The following SLC9B2 variants were observed in gnomAD, a reference collection of about 807,000 sequenced individuals.
SLC9B2 encodes the protein sodium/hydrogen exchanger 9B2.
In SLC9B2, 39 loss-of-function variants were observed where a neutral mutation model predicts 52.2. That is an observed-to-expected ratio of 0.75 (90% CI 0.58 to 0.98). SLC9B2 has a LOEUF of 0.98. Among genes scored for constraint, SLC9B2 ranks in the 50% least tolerant of loss-of-function variants. The pLI is 0.00. For missense variants in SLC9B2, 626 were observed against 637.5 expected (o/e 0.98, Z 0.19); for synonymous variants, 214 against 227.0 (o/e 0.94, Z 0.51).
intron 5 of SLC9B2, 59 bp from the exon 6 acceptor site, chr4:103,049,079 C>G: frequency 6.3e-7 from 1 of 1,580,702 alleles, no homozygotes; most frequent in East Asian, 2.3e-5. Flanking sequence ...GAGAAGATGA[C>G]CTTGAATGCT....
intron 1 of SLC9B2, among the ~76,000 whole-genome samples, chr4:103,074,015 T>C (rs756098270): frequency 1.3e-5 from 2 of 152,208 alleles, no homozygotes; most frequent in African/African-American, 2.4e-5. Flanking sequence ...TTTCTTGCCA[T>C]TGGAATTTGT....
chr4:103,072,339 G>C (rs903152114), intron 1 of SLC9B2, among the ~76,000 whole-genome samples: 2 of 152,132 alleles, frequency 1.3e-5, no homozygotes, highest in African/African-American at 4.8e-5. Context: ...TTACAGGCGT[G>C]AGCCACCGCA....
rs1743527096 is a variant in SLC9B2 at position 103,040,339 on chromosome 4, ATT to A, written c.1146+2955_1146+2956del. 9.2e-5 allele frequency among the ~76,000 whole-genome samples: 14 copies of A among 152,298 alleles called. No individual in the cohort carries two copies. In the South Asian group the frequency reaches 2.9e-3, roughly 32 times the overall value. ...ACTAAAAAGATTTCTATATCAAATT[ATT>A]TTTTATTTCTAAAGTGTAGACAAAG... is the stretch of plus-strand genomic sequence containing the variant. On this transcript the variant is annotated intron_variant, in intron 9 of 11. Transcript: ENST00000394785.
chr4:103,031,293 GAAC>G (rs1043443800), intron 10 of SLC9B2, among the ~76,000 whole-genome samples: 1 of 152,058 alleles, frequency 6.6e-6, no homozygotes, highest in Admixed American at 6.6e-5. Context: ...AATAATTAAT[GAAC>G]AACAAGGCAT....
chr4:103,042,812 ATTTAT>A lies in SLC9B2; in HGVS notation c.1146+479_1146+483del, dbSNP rs780172070. Among the ~76,000 whole-genome samples, 6 of 151,836 alleles carry A rather than the reference ATTTAT, an allele frequency of 4.0e-5. 1 individual carries two copies. The South Asian group carries it at 6.2e-4, about 16-fold the overall frequency. ...TAAACTAAAATATATACTATATTTTATTTATTTTAAGACACATATTTTTATATTTT... is the reference window on the plus strand; with the variant it reads ...TAAACTAAAATATATACTATATTTTATTTAAGACACATATTTTTATATTTT... On this transcript the variant is annotated intron_variant, in intron 9 of 11. Coordinates refer to ENST00000394785, the MANE Select transcript of SLC9B2 (RefSeq NM_178833.7).
At chr4:103,060,951 GCAGAA>G (rs1745587463) in intron 3 of SLC9B2, among the ~76,000 whole-genome samples, 1 of 152,152 alleles carries the variant, frequency 6.6e-6, no homozygotes, top group Non-Finnish European at 1.5e-5. Context: ...GGCCCCATCT[GCAGAA>G]CAGATTTACC....
At chr4:103,050,098 A>C (rs767783559) in intron 5 of SLC9B2, 142 bp downstream of exon 5, 48 of 750,410 alleles carry the variant, frequency 6.4e-5, no homozygotes, top group South Asian at 4.3e-4. Flanking sequence ...ACAATCCTCC[A>C]TGAAATAAAT....
At chr4:103,048,812 A>C in intron 6 of SLC9B2, 81 bp downstream of exon 6, 1 of 1,474,374 alleles carries the variant, frequency 6.8e-7, no homozygotes, top group Non-Finnish European at 9.1e-7. Flanking sequence ...AGAAAATTCT[A>C]TTATGCATTC....
chr4:103,067,729 A>T, intron 1 of SLC9B2, 137 bp from the exon 2 acceptor site: 1 of 573,284 alleles, frequency 1.7e-6, no homozygotes, highest in Non-Finnish European at 3.1e-6. Flanking sequence ...TTAATTTTCA[A>T]TGGCTGGTTA....
chr4:103,060,829 A>G (rs959931195), intron 3 of SLC9B2, among the ~76,000 whole-genome samples: 2 of 152,178 alleles, frequency 1.3e-5, no homozygotes, highest in East Asian at 3.9e-4. Flanking sequence ...ACATTTTCAA[A>G]TTGAATTTTT....
In SLC9B2 at chr4:103,025,168, C is replaced by G. The variant is rs1742094511; in HGVS notation, c.*1202G>C. On this transcript the variant is annotated 3_prime_UTR_variant, in exon 12 of 12. Transcript: ENST00000394785. ...GGAAAAGAGATGTGTCCAACTTCCACATCACTTCCTCAAAAATAAATTGCT... is the reference window on the plus strand; with the variant it reads ...GGAAAAGAGATGTGTCCAACTTCCAGATCACTTCCTCAAAAATAAATTGCT... Among the ~76,000 whole-genome samples the G allele has an allele frequency of 6.6e-6, 1 of 152,180 alleles. No homozygotes were observed. The highest frequency in any genetic ancestry group is 1.5e-5 in the Non-Finnish European group (1 of 68,024).
At chr4:103,055,803 CTTTTT>C (rs1400053544) in intron 4 of SLC9B2, among the ~76,000 whole-genome samples, 1 of 131,964 alleles carries the variant, frequency 7.6e-6, no homozygotes, top group Admixed American at 7.8e-5. Flanking sequence ...ATGCAGAATT[CTTTTT>C]TTTTTTTTTT....
intron 4 of SLC9B2, among the ~76,000 whole-genome samples, chr4:103,052,324 A>C (rs1037760012): frequency 6.6e-6 from 1 of 152,246 alleles, no homozygotes; most frequent in African/African-American, 2.4e-5. Flanking sequence ...GGCAGAGCTC[A>C]GGCAGTAATG....
At chr4:103,028,697 T>A in intron 11 of SLC9B2, 50 bp downstream of exon 11, 1 of 1,546,136 alleles carries the variant, frequency 6.5e-7, no homozygotes. Context: ...TATTTCAAGG[T>A]GTCATGCAGA....
intron 9 of SLC9B2, among the ~76,000 whole-genome samples, chr4:103,032,977 T>C (rs1034236643): frequency 6.6e-6 from 1 of 152,196 alleles, no homozygotes; most frequent in Admixed American, 6.5e-5. Context: ...TGTCTTCACA[T>C]CTTACTAGCC....
rs1373053535 is a variant in SLC9B2 at position 103,025,872 on chromosome 4, G to A, written c.*498C>T. Reference sequence around the variant, plus strand: ...AATTCAAAGAAAGGTAGTAAGGGAAGGAGAAATGGAGAAGAGGCAGATTAT... The same window carrying A: ...AATTCAAAGAAAGGTAGTAAGGGAAAGAGAAATGGAGAAGAGGCAGATTAT... On this transcript the variant is annotated 3_prime_UTR_variant, in exon 12 of 12. Transcript: ENST00000394785. 2 of 152,290 alleles carry A rather than the reference G, an allele frequency of 1.3e-5. No homozygotes were observed. The highest frequency in any genetic ancestry group is 2.9e-5 in the Non-Finnish European group (2 of 68,160). The allele number at this position is 152,290 out of a possible 1,614,324, so 9.4% of individuals were successfully genotyped here.
intron 1 of SLC9B2, among the ~76,000 whole-genome samples, chr4:103,072,892 A>G (rs75237873): frequency 0.04 from 6,127 of 152,172 alleles, 372 homozygotes; most frequent in African/African-American, 0.13. Context: ...TACTTTGGGG[A>G]AGTGATTAAG....
intron 4 of SLC9B2, among the ~76,000 whole-genome samples, chr4:103,051,608 TG>T (rs376698041): frequency 2.6e-5 from 4 of 152,328 alleles, no homozygotes; most frequent in Non-Finnish European, 5.9e-5. Flanking sequence ...TATATGCACA[TG>T]GTAAAATTAA....
intron 9 of SLC9B2, among the ~76,000 whole-genome samples, chr4:103,033,759 T>TA (rs1383888448): frequency 2.6e-5 from 4 of 151,562 alleles, no homozygotes; most frequent in Admixed American, 6.6e-5. Flanking sequence ...ACCAGGGAGG[T>TA]AAAAAATCTC....
Sources: allele counts gnomAD v4.1 joint callset (sites outside exome capture counted in the v4.1 genomes callset), GRCh38; gene constraint gnomAD v4.1.1; transcripts MANE v1.5; gene names NCBI Gene and HGNC (gene_info 2026-07-23, HGNC 2026-07-21).